The following CELSR1 variants were observed in gnomAD, a reference collection of about 807,000 sequenced individuals.
The protein encoded by CELSR1 is adhesion G protein-coupled receptor C1.
In CELSR1, 110 loss-of-function variants were observed where a neutral mutation model predicts 249.1. The observed-to-expected ratio is 0.44, with a 90% CI of 0.38 to 0.52. The LOEUF is 0.52. Ranked by LOEUF, CELSR1 falls within the 20% of genes least tolerant of loss-of-function variation. The pLI, the probability that CELSR1 is intolerant of heterozygous loss-of-function variation, is 0.00. For synonymous variants in CELSR1, 2,113 were observed against 1,900.0 expected (o/e 1.11, Z -2.92); for missense variants, 4,109 against 4,296.4 (o/e 0.96, Z 1.22).
chr22:46,363,119 C>T lies in CELSR1; in HGVS notation c.*104G>A. The T allele has an allele frequency of 6.2e-7, 1 of 1,612,522 alleles. No individual in the cohort carries two copies. Among genetic ancestry groups the T allele is most frequent in the Non-Finnish European group, 8.5e-7 (1 of 1,179,144 alleles). On this transcript the variant is annotated 3_prime_UTR_variant, in exon 35 of 35. Coordinates refer to ENST00000674500, the MANE Select transcript of CELSR1 (RefSeq NM_001378328.1). The surrounding 1 kb of genome is among the most constrained non-coding windows in gnomAD (Gnocchi z 4.3). ...CCCACTCCACTTCAAGGGCAGTGGC[C>T]CCTTGGGCTCCAAGGTCTGAGGGTG...
At chr22:46,373,092 G>C (rs1418723965) in intron 24 of CELSR1, 35 bp from the exon 25 acceptor site, 2 of 1,539,978 alleles carry the variant, frequency 1.3e-6, no homozygotes, top group Non-Finnish European at 1.8e-6. Context: ...AAGGGCCCCT[G>C]CATCCCAGGC....
chr22:46,375,830 C>T (rs913560108), intron 24 of CELSR1, among the ~76,000 whole-genome samples: 70 of 152,224 alleles, frequency 4.6e-4, no homozygotes, highest in African/African-American at 1.6e-3. Context: ...CAGGCATGAA[C>T]CAACGTGCCC....
chr22:46,523,748 C>T (rs554883780), intron 1 of CELSR1, among the ~76,000 whole-genome samples: 3 of 152,124 alleles, frequency 2.0e-5, no homozygotes, highest in East Asian at 1.9e-4. Context: ...TCTCCCTCCC[C>T]AGGCTCCCCA....
At chr22:46,368,320 A>T (rs2078810593) in intron 27 of CELSR1, among the ~76,000 whole-genome samples, 1 of 152,004 alleles carries the variant, frequency 6.6e-6, no homozygotes, top group East Asian at 1.9e-4. Flanking sequence ...TTCAGAGGGG[A>T]TGGAGTGAAT....
rs1438470030 is a variant in CELSR1 at position 46,374,015 on chromosome 22, C to T, written c.7585-958G>A. ...AGGGCCAGCCACCCTCCAGAAACAA[C>T]GCCCCCGAGGTGGGGAGGGCCCCAA... On this transcript the variant is annotated intron_variant, in intron 24 of 34. Transcript: ENST00000674500. This position sits in a 1 kb window ranked among gnomAD's most constrained non-coding sequence, Gnocchi z 4.3. Among the ~76,000 whole-genome samples the T allele has an allele frequency of 3.3e-5, 5 of 152,200 alleles. No individual in the cohort carries two copies. The highest frequency in any genetic ancestry group is 4.1e-4 in the South Asian group (2 of 4,830).
rs8140887 is a variant in CELSR1, at chr22:46,373,554, C to A, written c.7585-497G>T. Among the ~76,000 whole-genome samples the A allele has an allele frequency of 4.8e-3, 723 of 151,176 alleles. 7 individuals are homozygous for A. The highest frequency in any genetic ancestry group is 0.017 in the African/African-American group (705 of 41,038). On this transcript the variant is annotated intron_variant, in intron 24 of 34. Coordinates refer to ENST00000674500, the MANE Select transcript of CELSR1 (RefSeq NM_001378328.1). ...TTCGTGCCCAGTGCTCTGGGAGAGGCTGCCCCAGCCAGTGCTCCCAAAGCT... is the reference window on the plus strand; with the variant it reads ...TTCGTGCCCAGTGCTCTGGGAGAGGATGCCCCAGCCAGTGCTCCCAAAGCT...
In CELSR1 at chr22:46,396,794, T is replaced by A. The variant is rs1480860804; in HGVS notation, c.5702-48A>T. ...ACCTCCACCCACAATCCACGAGACC[T>A]TCCACGTTAAAATATCTGGAGCAAC... is the stretch of plus-strand genomic sequence containing the variant. On this transcript the variant is annotated intron_variant, in intron 12 of 34. Transcript: ENST00000674500. The surrounding 1 kb of genome is among the most constrained non-coding windows in gnomAD (Gnocchi z 6.4). 3 of 1,591,652 alleles carry A rather than the reference T, an allele frequency of 1.9e-6. No homozygotes were observed. Among genetic ancestry groups the A allele is most frequent in the Non-Finnish European group, 2.6e-6 (3 of 1,169,110 alleles).
In CELSR1 at chr22:46,393,068, G is replaced by T. The variant is rs2079110853; in HGVS notation, c.5964+1074C>A. ...GCAGGCACTGGGGGGGGACACTACT[G>T]ACATCACGAGATGGCATCCAAGGGT... On this transcript the variant is annotated intron_variant, in intron 14 of 34. Transcript: ENST00000674500. This position sits in a 1 kb window ranked among gnomAD's most constrained non-coding sequence, Gnocchi z 4.1. 6.6e-6 allele frequency among the ~76,000 whole-genome samples: 1 copy of T among 152,138 alleles called. No homozygotes were observed. The highest frequency in any genetic ancestry group is 2.4e-5 in the African/African-American group (1 of 41,420).
intron 2 of CELSR1, among the ~76,000 whole-genome samples, chr22:46,452,010 G>A (rs1464414062): frequency 2.0e-5 from 3 of 152,208 alleles, no homozygotes; most frequent in Non-Finnish European, 4.4e-5. Context: ...CCAGGCGCCG[G>A]GGAGGCAGGG....
intron 1 of CELSR1, among the ~76,000 whole-genome samples, chr22:46,501,403 A>C (rs2080465415): frequency 6.6e-6 from 1 of 151,888 alleles, no homozygotes; most frequent in Admixed American, 6.6e-5. Context: ...ACGAGGTTTC[A>C]CCATGTTGGC....
At position 46,409,972 on chromosome 22, in the gene CELSR1, G is replaced by C; in HGVS notation, c.4934-92C>G. 2 of 1,546,250 alleles carry C rather than the reference G, an allele frequency of 1.3e-6. No individual in the cohort carries two copies. The highest frequency in any genetic ancestry group is 1.8e-6 in the Non-Finnish European group (2 of 1,138,014). ...GTGGCGTGGGAAACCAGGACGGAATGGACCCGGGGCTGGACAGAAGTCAGA... is the reference window on the plus strand; with the variant it reads ...GTGGCGTGGGAAACCAGGACGGAATCGACCCGGGGCTGGACAGAAGTCAGA... On this transcript the variant is annotated intron_variant, in intron 7 of 34. Transcript: ENST00000674500. The surrounding 1 kb of genome is among the most constrained non-coding windows in gnomAD (Gnocchi z 9.8).
Position 46,365,350 on chromosome 22 carries a change from G to C in CELSR1, c.8435C>G (p.Ser2812Cys). Residue 2812 changes from serine to cysteine, a missense_variant, in exon 32 of 35, where the codon TCC (serine) becomes TGC (cysteine). Physicochemically the swap from Ser to Cys is moderately radical, Grantham distance 112. Transcript: ENST00000674500. Reference protein sequence around the residue: ...GHDSDSDSELSLDEQSSSYAS... With the variant: ...GHDSDSDSELCLDEQSSSYAS... ...GTAAGAGCTGCTCTGCTCATCCAGG[G>C]ACAGCTCGCTATCTGAGTCGGAATC... 6.2e-7 allele frequency: 1 copy of C among 1,612,958 alleles called. No individual in the cohort carries two copies. Among genetic ancestry groups the C allele is most frequent in the Non-Finnish European group, 8.5e-7 (1 of 1,179,950 alleles).
At chr22:46,494,009 A>G (rs2080391335) in intron 1 of CELSR1, among the ~76,000 whole-genome samples, 1 of 152,212 alleles carries the variant, frequency 6.6e-6, no homozygotes, top group Non-Finnish European at 1.5e-5. Flanking sequence ...AAAACAGGTC[A>G]AAAAAGAATA....
At position 46,363,579 on chromosome 22, in the gene CELSR1, G is replaced by A. The variant is rs910133883; in HGVS notation, c.9036-332C>T. On this transcript the variant is annotated intron_variant, in intron 34 of 34. Coordinates refer to ENST00000674500, the MANE Select transcript of CELSR1 (RefSeq NM_001378328.1). This position sits in a 1 kb window ranked among gnomAD's most constrained non-coding sequence, Gnocchi z 4.3. ...TGTGAGTTTGGAGGGAGGGAGGGGC[G>A]ACAGGGAGAGGTCTGGGGCCAGGAC... 6 of 356,176 alleles carry A rather than the reference G, an allele frequency of 1.7e-5. No homozygotes were observed. The highest frequency in any genetic ancestry group is 4.2e-5 in the Admixed American group (1 of 24,072). The allele number at this position is 356,176 out of a possible 1,614,324, so 22.1% of individuals were successfully genotyped here.
intron 2 of CELSR1, chr22:46,462,656 AAAAAAAG>A (rs2147579769): frequency 4.8e-6 from 1 of 207,956 alleles, no homozygotes; most frequent in East Asian, 1.7e-4. Flanking sequence ...AAAAAAAAAA[AAAAAAAG>A]ACAGACTATT....
intron 12 of CELSR1, 135 bp downstream of exon 12, chr22:46,397,539 T>C (rs1316010756): frequency 4.9e-6 from 4 of 809,804 alleles, no homozygotes; most frequent in Non-Finnish European, 7.0e-6. Flanking sequence ...CCGCTTGTTA[T>C]AAAATAAAGC....
At chr22:46,514,655 T>C (rs1411220370) in intron 1 of CELSR1, among the ~76,000 whole-genome samples, 1 of 152,028 alleles carries the variant, frequency 6.6e-6, no homozygotes, top group Admixed American at 6.6e-5. Flanking sequence ...TGGTCCCTCC[T>C]CCCAGCATCA....
chr22:46,389,033 A>C (rs113517590), intron 18 of CELSR1, among the ~76,000 whole-genome samples: 1 of 152,208 alleles, frequency 6.6e-6, no homozygotes, highest in African/African-American at 2.4e-5. Context: ...AGCCACTTAG[A>C]TCACACTACA....
At chr22:46,465,751 G>A (rs1004730767) in intron 1 of CELSR1, among the ~76,000 whole-genome samples, 17 of 152,252 alleles carry the variant, frequency 1.1e-4, no homozygotes, top group Admixed American at 9.8e-4. Flanking sequence ...ACAGATGCGT[G>A]CAGGTGCAGT....
Sources: gnomAD v4.1 joint callset for allele counts (sites outside exome capture counted in the v4.1 genomes callset) on GRCh38, gnomAD v4.1.1 for gene constraint, Gnocchi (gnomAD v3.1) non-coding constraint, MANE v1.5 for transcripts, NCBI Gene and HGNC (gene_info 2026-07-23, HGNC 2026-07-21) for gene names.